PEX14: variants seen among roughly 807,000 people sequenced by gnomAD.
PEX14 encodes peroxisomal biogenesis factor 14.
In PEX14, 15 loss-of-function variants were observed where a neutral mutation model predicts 49.5. The ratio of observed to expected loss-of-function variants is 0.30; its 90% CI spans 0.20 to 0.47. The LOEUF (loss-of-function observed/expected upper bound fraction) is 0.47, where lower values mean the gene tolerates loss of function less well. Among genes scored for constraint, PEX14 ranks in the 20% least tolerant of loss-of-function variants. PEX14 has a pLI of 1.00. For synonymous variants in PEX14, 210 were observed against 212.7 expected (o/e 0.99, Z 0.11); for missense variants, 398 against 494.8 (o/e 0.80, Z 1.86).
intron 4 of PEX14, among the ~76,000 whole-genome samples, chr1:10,612,001 T>C (rs1334874717): frequency 6.6e-6 from 1 of 152,206 alleles, no homozygotes; most frequent in African/African-American, 2.4e-5. Context: ...ATGGTGTCCA[T>C]TTGATCAGTT....
At chr1:10,476,448 G>A (rs549829333) in intron 1 of PEX14, among the ~76,000 whole-genome samples, 2 of 152,172 alleles carry the variant, frequency 1.3e-5, no homozygotes, top group Non-Finnish European at 2.9e-5. Context: ...TCTCTGAATT[G>A]TTTTGTGTTA....
chr1:10,501,969 G>A (rs766883156), intron 2 of PEX14, among the ~76,000 whole-genome samples: 2 of 150,670 alleles, frequency 1.3e-5, no homozygotes, highest in South Asian at 2.1e-4. Flanking sequence ...TGCTTAAACC[G>A]TTACTAGCAA....
rs375048908 is a variant in PEX14, at chr1:10,595,818, A to C, written c.170-3420A>C. 1.6e-3 allele frequency among the ~76,000 whole-genome samples: 236 copies of C among 150,876 alleles called. 1 individual carries two copies. Among genetic ancestry groups the C allele is most frequent in the Middle Eastern group, 0.01 (3 of 294 alleles). The stretch of plus-strand genomic sequence containing the variant: ...ATGAGATTATTTAAAACAACAACAA[A>C]AAAAAGGTCTGCATTAGTCAGGGTG... On this transcript the variant is annotated intron_variant, in intron 3 of 8. Transcript: ENST00000356607.
rs898873064 is a variant in PEX14 at position 10,598,500 on chromosome 1, C to T, written c.170-738C>T. ...TCCTCTCCACATGGCATAGCCACTG[C>T]AGATGGCGCCCTGCCACTTCCTGAT... On this transcript the variant is annotated intron_variant, in intron 3 of 8. Coordinates refer to ENST00000356607, the MANE Select transcript of PEX14 (RefSeq NM_004565.3). 5.1e-4 allele frequency among the ~76,000 whole-genome samples: 77 copies of T among 152,332 alleles called. No individual in the cohort carries two copies. The Middle Eastern group carries it at 0.01, about 20-fold the overall frequency.
At chr1:10,541,534 C>T (rs773848012) in intron 3 of PEX14, among the ~76,000 whole-genome samples, 1 of 152,204 alleles carries the variant, frequency 6.6e-6, no homozygotes, top group Non-Finnish European at 1.5e-5. Context: ...AGGAGCTGCT[C>T]GTGCGGAGCA....
chr1:10,576,245 T>C (rs1344744241), intron 3 of PEX14, among the ~76,000 whole-genome samples: 1 of 152,156 alleles, frequency 6.6e-6, no homozygotes, highest in Non-Finnish European at 1.5e-5. Flanking sequence ...TGATATTTCC[T>C]CTATTATTTT....
At chr1:10,585,228 CGA>C (rs1640446213) in intron 3 of PEX14, among the ~76,000 whole-genome samples, 2 of 152,060 alleles carry the variant, frequency 1.3e-5, no homozygotes, top group African/African-American at 4.8e-5. Context: ...GTGTCTTTTC[CGA>C]GCTATTTATT....
chr1:10,624,528 G>A (rs1281613124), intron 7 of PEX14, 91 bp downstream of exon 7: 21 of 869,062 alleles, frequency 2.4e-5, no homozygotes, highest in Admixed American at 1.4e-4. Context: ...TGCCACCTTC[G>A]GGAGCTGGAC....
At chr1:10,493,572 C>T (rs560000209) in intron 1 of PEX14, among the ~76,000 whole-genome samples, 21 of 152,052 alleles carry the variant, frequency 1.4e-4, no homozygotes, top group Non-Finnish European at 2.1e-4. Context: ...GGAGTACAAG[C>T]GCACACCACC....
chr1:10,577,347 A>T (rs1185443533), intron 3 of PEX14, among the ~76,000 whole-genome samples: 2 of 136,372 alleles, frequency 1.5e-5, no homozygotes, highest in Non-Finnish European at 3.1e-5. Flanking sequence ...CAGTGAGCCG[A>T]GATTGTGCCA....
At chr1:10,570,574 C>T (rs559185711) in intron 3 of PEX14, among the ~76,000 whole-genome samples, 93 of 152,236 alleles carry the variant, frequency 6.1e-4, no homozygotes, top group African/African-American at 1.8e-3. Context: ...CCTTGTGATC[C>T]GCCCGCCTCA....
intron 3 of PEX14, among the ~76,000 whole-genome samples, chr1:10,552,618 A>G (rs1639368095): frequency 6.6e-6 from 1 of 152,210 alleles, no homozygotes; most frequent in African/African-American, 2.4e-5. Flanking sequence ...CATTTCCTTC[A>G]TGTGCCAACA....
At chr1:10,622,876 A>G in intron 5 of PEX14, 143 bp from the exon 6 acceptor site, 2 of 692,892 alleles carry the variant, frequency 2.9e-6, no homozygotes, top group East Asian at 2.8e-5. Context: ...ACTTTTTCAA[A>G]TATCTTGTTC....
intron 3 of PEX14, among the ~76,000 whole-genome samples, chr1:10,579,368 C>T (rs1557856013): frequency 1.3e-5 from 2 of 152,076 alleles, no homozygotes; most frequent in African/African-American, 4.8e-5. Context: ...CACCAGCAGA[C>T]ATGCATTGAA....
chr1:10,519,626 A>G (rs901570897), intron 2 of PEX14, among the ~76,000 whole-genome samples: 1 of 152,216 alleles, frequency 6.6e-6, no homozygotes, highest in African/African-American at 2.4e-5. Context: ...GGAAGTGTGC[A>G]GCCTGTTGTG....
chr1:10,566,423 T>C (rs1175755884), intron 3 of PEX14, among the ~76,000 whole-genome samples: 2 of 152,224 alleles, frequency 1.3e-5, no homozygotes, highest in African/African-American at 4.8e-5. Context: ...GAAATTTGTC[T>C]TGACTTTGTT....
At chr1:10,525,911 A>G (rs1281741556) in intron 2 of PEX14, among the ~76,000 whole-genome samples, 1 of 150,548 alleles carries the variant, frequency 6.6e-6, no homozygotes, top group Non-Finnish European at 1.5e-5. Context: ...GGCGTGAGCC[A>G]CTGCGCCTGG....
chr1:10,537,183 T>C (rs1360118395), intron 3 of PEX14, among the ~76,000 whole-genome samples: 1 of 152,150 alleles, frequency 6.6e-6, no homozygotes, highest in Non-Finnish European at 1.5e-5. Context: ...GGTCCCTTCA[T>C]GCGATCATGT....
chr1:10,551,831 G>A (rs1017943346), intron 3 of PEX14, among the ~76,000 whole-genome samples: 7 of 152,116 alleles, frequency 4.6e-5, no homozygotes, highest in Non-Finnish European at 1.0e-4. Context: ...GGCCAGGCAC[G>A]GTGGCTCATG....
Sources: gnomAD v4.1 joint callset for allele counts (sites outside exome capture counted in the v4.1 genomes callset) on GRCh38, gnomAD v4.1.1 for gene constraint, MANE v1.5 for transcripts, NCBI Gene and HGNC (gene_info 2026-07-23, HGNC 2026-07-21) for gene names.